The following C2 variants were observed in gnomAD, a reference collection of about 807,000 sequenced individuals.
The protein encoded by C2 is complement C2, also known as C3/C5 convertase.
In C2, 64 loss-of-function variants were observed where a neutral mutation model predicts 85.2. That is an observed-to-expected ratio of 0.75 (90% CI 0.61 to 0.92). The LOEUF (loss-of-function observed/expected upper bound fraction) is 0.92, where lower values mean the gene tolerates loss of function less well. Ranked by LOEUF, C2 falls within the 40% of genes least tolerant of loss-of-function variation. The pLI, the probability that C2 is intolerant of heterozygous loss-of-function variation, is 0.00. For missense variants in C2, 820 were observed against 971.6 expected, an observed-to-expected ratio of 0.84 and a Z score of 2.07; for synonymous variants, 311 against 370.8, an observed-to-expected ratio of 0.84 and a Z score of 1.85.
chr6:31,911,530 A>C (rs1179818969), intron 1 of C2, among the ~76,000 whole-genome samples: 2 of 152,036 alleles, frequency 1.3e-5, no homozygotes, highest in Non-Finnish European at 2.9e-5. Flanking sequence ...TGAAGATTAC[A>C]TGCTTCTTGA....
At chr6:31,900,313 C>G (rs1402708910), upstream of C2, 4 of 1,612,008 alleles carry the variant, frequency 2.5e-6, no homozygotes, top group Non-Finnish European at 3.4e-6. The surrounding 1 kb of genome is among the most constrained non-coding windows in gnomAD (Gnocchi z 9.7). Flanking sequence ...ACTTGATGTT[C>G]TTTAAGGGGT....
At chr6:31,929,186 G>T (rs1769520773) in intron 3 of C2, among the ~76,000 whole-genome samples, 1 of 152,198 alleles carries the variant, frequency 6.6e-6, no homozygotes, top group South Asian at 2.1e-4. Context: ...CTCAAAGCAA[G>T]ACTTCATATT....
rs747611131 is a variant in C2 at position 31,927,921 on chromosome 6, C to CTGTCTTTCTG, written c.47-33_47-32insGTCTTTCTGT. 1 of 1,600,608 alleles carries CTGTCTTTCTG rather than the reference C, an allele frequency of 6.2e-7. No homozygotes were observed. Among genetic ancestry groups the CTGTCTTTCTG allele is most frequent in the South Asian group, 1.1e-5 (1 of 90,836 alleles). On this transcript the variant is annotated intron_variant, in intron 1 of 17. Transcript: ENST00000299367. This position sits in a 1 kb window ranked among gnomAD's most constrained non-coding sequence, Gnocchi z 4.7. ...TTTCTCATCTGTGTCTTCCTTCTTT[C>CTGTCTTTCTG]TCCATTGCTGTCTCCTTGTTCCCAC...
rs1362616421 is a variant in C2, at chr6:31,904,222, G to A, written c.73+3083G>A. On this transcript the variant is annotated intron_variant, in intron 1 of 3. Coordinates refer to the C2 transcript ENST00000452202. The surrounding 1 kb of genome is among the most constrained non-coding windows in gnomAD (Gnocchi z 4.4). Reference sequence around the variant, plus strand: ...GAGGTTTAAATGAGCCTGGCATGCAGTAGTTGCTGAGTAAACAATAGCTCT... The same window carrying A: ...GAGGTTTAAATGAGCCTGGCATGCAATAGTTGCTGAGTAAACAATAGCTCT... Among the ~76,000 whole-genome samples the A allele has an allele frequency of 6.6e-6, 1 of 152,150 alleles. No homozygotes were observed.
intron 9 of C2, among the ~76,000 whole-genome samples, chr6:31,939,721 A>C (rs942131804): frequency 6.6e-6 from 1 of 152,192 alleles, no homozygotes; most frequent in Admixed American, 6.5e-5. Flanking sequence ...CCAAAGTGGT[A>C]GGATTACAGG....
chr6:31,900,019 G>A, upstream of C2: 1 of 1,611,874 alleles, frequency 6.2e-7, no homozygotes, highest in Non-Finnish European at 8.5e-7. The surrounding 1 kb of genome is among the most constrained non-coding windows in gnomAD (Gnocchi z 9.7). Flanking sequence ...GCCGCCTAAT[G>A]GCAGGCTTGT....
At chr6:31,911,600 G>A (rs115104850) in intron 1 of C2, among the ~76,000 whole-genome samples, 1,887 of 151,764 alleles carry the variant, frequency 0.012, 27 homozygotes, top group Non-Finnish European at 0.02. Context: ...AGTAGGTCTG[G>A]GTGGGGCCTG....
chr6:31,937,423 C>A lies in C2; in HGVS notation c.1093C>A (p.Gln365Lys). The change falls in exon 8 of 18, where the codon CAG (glutamine) becomes AAG (lysine). Residue 365 changes from glutamine (Q) to lysine (K), a missense_variant. Transcript: ENST00000299367. Reference protein sequence around the residue: ...RLLGMETMAWQEIRHAIILLT... With the variant: ...RLLGMETMAWKEIRHAIILLT... ...CCTCGGCATGGAAACGATGGCCTGGCAGGAAATCCGACATGCCATCATCCT... is the reference window on the plus strand; with the variant it reads ...CCTCGGCATGGAAACGATGGCCTGGAAGGAAATCCGACATGCCATCATCCT... The A allele has an allele frequency of 6.2e-7, 1 of 1,612,746 alleles. No individual in the cohort carries two copies. Among genetic ancestry groups the A allele is most frequent in the Non-Finnish European group, 8.5e-7 (1 of 1,179,980 alleles).
At chr6:31,933,546 G>A (rs770071642) in intron 3 of C2, 64 bp from the exon 4 acceptor site, 34 of 1,575,012 alleles carry the variant, frequency 2.2e-5, no homozygotes, top group South Asian at 4.5e-5. Context: ...AACTGAGGCC[G>A]CTGAGGAGGC....
At chr6:31,900,947 C>T (rs756745454), upstream of C2, 2 of 1,614,190 alleles carry the variant, frequency 1.2e-6, no homozygotes, top group Non-Finnish European at 1.7e-6. The surrounding 1 kb of genome is among the most constrained non-coding windows in gnomAD (Gnocchi z 9.7). Context: ...GAGGGCATTC[C>T]GGCATTTCTC....
chr6:31,900,393 G>A, upstream of C2: 13 of 1,294,054 alleles, frequency 1.0e-5, no homozygotes, highest in Admixed American at 2.2e-5. The surrounding 1 kb of genome is among the most constrained non-coding windows in gnomAD (Gnocchi z 9.7). Flanking sequence ...CCCGCCCCCC[G>A]GGCAGCCATG....
At position 31,935,950 on chromosome 6, in the gene C2, G is replaced by C. The variant is rs549144980; in HGVS notation, c.877G>C (p.Val293Leu). 12 of 1,612,978 alleles carry C rather than the reference G, an allele frequency of 7.4e-6. No homozygotes were observed. The highest frequency in any genetic ancestry group is 1.0e-5 in the Non-Finnish European group (12 of 1,180,014). The change falls in exon 7 of 18, where the codon GTT (valine) becomes CTT (leucine). Residue 293 changes from valine to leucine, a missense_variant. By Grantham distance (32) the Val-to-Leu change is conservative (BLOSUM62 1). Transcript: ENST00000299367. This position sits in a 1 kb window ranked among gnomAD's most constrained non-coding sequence, Gnocchi z 4.3. ...CTTCAGCTTTGAGATCAATGTGAGC[G>C]TTGCCATTATCACCTTTGCCTCAGA... ...RIFSFEINVSVAIITFASEPK... is the reference protein window; with the variant it reads ...RIFSFEINVSLAIITFASEPK...
intron 9 of C2, chr6:31,941,177 G>A (rs756882923): frequency 2.6e-5 from 4 of 152,218 alleles, no homozygotes; most frequent in Admixed American, 6.5e-5. Flanking sequence ...TCATTTAAAA[G>A]TACTTACCAA....
In C2 at chr6:31,935,401, G is replaced by A. The variant is rs1770322742; in HGVS notation, c.850-522G>A. 1 of 154,912 alleles carries A rather than the reference G, an allele frequency of 6.5e-6. No individual in the cohort carries two copies. The highest frequency in any genetic ancestry group is 2.4e-5 in the African/African-American group (1 of 41,430). The allele number at this position is 154,912 out of a possible 1,614,324, so 9.6% of individuals were successfully genotyped here. On this transcript the variant is annotated intron_variant, in intron 6 of 17. Transcript: ENST00000299367. The surrounding 1 kb of genome is among the most constrained non-coding windows in gnomAD (Gnocchi z 4.3). ...CCCCTCACAGGGTGGAGTGAAGAGA[G>A]TCTGTCAAAGAGAAAGATGTTCAAC...
rs1562618695 is a variant in C2, at chr6:31,944,529, C to A, written c.1903-198C>A. 6.6e-6 allele frequency among the ~76,000 whole-genome samples: 1 copy of A among 152,150 alleles called. No individual in the cohort carries two copies. Among genetic ancestry groups the A allele is most frequent in the Non-Finnish European group, 1.5e-5 (1 of 68,034 alleles). ...CCCGAGTAGCTGAGATTACAGGTGC[C>A]CACCACCACACCAGCTAATTTTTGT... On this transcript the variant is annotated intron_variant, in intron 15 of 17. Coordinates refer to ENST00000299367, the MANE Select transcript of C2 (RefSeq NM_000063.6). This position sits in a 1 kb window ranked among gnomAD's most constrained non-coding sequence, Gnocchi z 5.1.
rs1445756847 is a variant in C2, at chr6:31,943,375, A to T, written c.1456-41A>T. The T allele has an allele frequency of 6.2e-7, 1 of 1,609,766 alleles. No individual in the cohort carries two copies. The highest frequency in any genetic ancestry group is 1.3e-5 in the African/African-American group (1 of 74,874). ...CCAGAGGTAAAAGCGGCCATGGGCC[A>T]GACATACTGCAATCTCTGAAAATCA... is the stretch of plus-strand genomic sequence containing the variant. On this transcript the variant is annotated intron_variant, in intron 11 of 17. Transcript: ENST00000299367. This position sits in a 1 kb window ranked among gnomAD's most constrained non-coding sequence, Gnocchi z 6.4.
Position 31,944,951 on chromosome 6 carries a change from C to A in C2, c.2030-29C>A. 1.2e-6 allele frequency: 2 copies of A among 1,613,026 alleles called. No homozygotes were observed. Among genetic ancestry groups the A allele is most frequent in the Non-Finnish European group, 1.7e-6 (2 of 1,179,958 alleles). ...AACACCAGTCCACTGCCCTAGATGA[C>A]ACTGTCTCCTGTCACCCTTTGCTGG... On this transcript the variant is annotated intron_variant, in intron 16 of 17. Transcript: ENST00000299367. This position sits in a 1 kb window ranked among gnomAD's most constrained non-coding sequence, Gnocchi z 5.1.
In C2 at chr6:31,903,606, G is replaced by A. The variant is rs542227007; in HGVS notation, c.73+2467G>A. On this transcript the variant is annotated intron_variant, in intron 1 of 3. Transcript: ENST00000452202. The stretch of plus-strand genomic sequence containing the variant: ...GATTGCGCCATTGCACTCCAGCCTG[G>A]GCGACAGAGCAAGACTCCTTCTCAA... Among the ~76,000 whole-genome samples the A allele has an allele frequency of 9.2e-5, 14 of 152,176 alleles. 1 individual carries two copies. In the East Asian group the frequency reaches 2.1e-3, roughly 23 times the overall value.
chr6:31,920,867 G>A lies in C2; in HGVS notation c.-100+841G>A, dbSNP rs966701923. Among the ~76,000 whole-genome samples the A allele has an allele frequency of 6.6e-6, 1 of 152,192 alleles. No individual in the cohort carries two copies. The highest frequency in any genetic ancestry group is 6.5e-5 in the Admixed American group (1 of 15,280). On this transcript the variant is annotated intron_variant, in intron 1 of 3. Transcript: ENST00000413154. The surrounding 1 kb of genome is among the most constrained non-coding windows in gnomAD (Gnocchi z 5.6). ...TCAGGAATTGTTTGTGCAATGGATG[G>A]ACAAGGACAGGAGGTTCAGTGTCTA...
Sources: allele counts gnomAD v4.1 joint callset (sites outside exome capture counted in the v4.1 genomes callset), GRCh38; gene constraint gnomAD v4.1.1; non-coding constraint Gnocchi (gnomAD v3.1); transcripts MANE v1.5; gene names NCBI Gene and HGNC (gene_info 2026-07-23, HGNC 2026-07-21).